Variants in DSCAM observed in about 807,000 individuals in gnomAD.
DSCAM encodes the protein cell adhesion molecule DSCAM.
Under a neutral mutation model 217.7 loss-of-function variants are expected in DSCAM, and 47 were observed. That is an observed-to-expected ratio of 0.22 (90% CI 0.17 to 0.28). The LOEUF (loss-of-function observed/expected upper bound fraction) is 0.28. Among genes scored for constraint, DSCAM ranks in the 10% least tolerant of loss-of-function variants. The pLI, the probability that DSCAM is intolerant of heterozygous loss-of-function variation, is 1.00. For missense variants in DSCAM, 2,080 were observed against 2,618.3 expected (o/e 0.79, Z 4.49); for synonymous variants, 1,056 against 1,015.3 (o/e 1.04, Z -0.76).
intron 1 of DSCAM, among the ~76,000 whole-genome samples, chr21:40,827,188 G>A (rs2091975550): frequency 6.6e-6 from 1 of 152,186 alleles, no homozygotes; most frequent in African/African-American, 2.4e-5. Flanking sequence ...AGGAAGGGAA[G>A]TGTGATCTGT....
At chr21:40,248,133 T>C (rs919918309) in intron 11 of DSCAM, among the ~76,000 whole-genome samples, 1 of 152,196 alleles carries the variant, frequency 6.6e-6, no homozygotes, top group African/African-American at 2.4e-5. Flanking sequence ...TGTTGGCCCA[T>C]GAAACCATTT....
At chr21:40,547,157 A>T (rs2076589971) in intron 3 of DSCAM, among the ~76,000 whole-genome samples, 1 of 152,086 alleles carries the variant, frequency 6.6e-6, no homozygotes, top group African/African-American at 2.4e-5. Context: ...GGCAGACATG[A>T]CCCCACTGTC....
chr21:40,254,219 G>T (rs960217301), intron 11 of DSCAM, among the ~76,000 whole-genome samples: 3 of 152,092 alleles, frequency 2.0e-5, no homozygotes, highest in African/African-American at 7.2e-5. Flanking sequence ...CCTTTGTTTT[G>T]CATGATCTCC....
chr21:40,796,994 C>G (rs963211329), intron 1 of DSCAM, among the ~76,000 whole-genome samples: 1 of 152,096 alleles, frequency 6.6e-6, no homozygotes, highest in East Asian at 1.9e-4. Flanking sequence ...AGGACTTGCT[C>G]TAGTCACTAA....
intron 3 of DSCAM, among the ~76,000 whole-genome samples, chr21:40,655,700 G>A (rs1341054805): frequency 1.3e-5 from 2 of 151,922 alleles, no homozygotes; most frequent in African/African-American, 2.4e-5. Flanking sequence ...TGATCCTCCT[G>A]CTTTGACTTT....
At chr21:40,811,621 G>GTC (rs992640353) in intron 1 of DSCAM, among the ~76,000 whole-genome samples, 7 of 152,334 alleles carry the variant, frequency 4.6e-5, no homozygotes, top group African/African-American at 1.7e-4. Flanking sequence ...GATAAAGGCA[G>GTC]TCTGCAAAGA....
intron 1 of DSCAM, among the ~76,000 whole-genome samples, chr21:40,780,795 G>C (rs1481919305): frequency 6.6e-6 from 1 of 151,984 alleles, no homozygotes; most frequent in Non-Finnish European, 1.5e-5. Context: ...CCAGCTTCCA[G>C]GTTTGTGAGA....
chr21:40,836,127 G>A (rs557818301), intron 1 of DSCAM, among the ~76,000 whole-genome samples: 15 of 152,226 alleles, frequency 9.9e-5, no homozygotes, highest in African/African-American at 1.7e-4. Context: ...GTCTCAGCCC[G>A]TTCTAGCTCA....
chr21:40,248,931 T>C (rs1015139593), intron 11 of DSCAM, among the ~76,000 whole-genome samples: 1 of 151,740 alleles, frequency 6.6e-6, no homozygotes, highest in Non-Finnish European at 1.5e-5. Context: ...AAGAGAAAAA[T>C]GAAGATGAAG....
At chr21:40,408,074 C>G in intron 3 of DSCAM, among the ~76,000 whole-genome samples, 1 of 151,892 alleles carries the variant, frequency 6.6e-6, no homozygotes, top group East Asian at 1.9e-4. Flanking sequence ...GAAGATATTA[C>G]CCATCTTTGC....
intron 5 of DSCAM, among the ~76,000 whole-genome samples, chr21:40,352,145 C>A (rs1209063402): frequency 1.3e-5 from 2 of 152,068 alleles, no homozygotes; most frequent in Non-Finnish European, 2.9e-5. Context: ...TAATGGAACA[C>A]TAGTCATAAG....
intron 3 of DSCAM, among the ~76,000 whole-genome samples, chr21:40,408,062 C>T (rs1384643504): frequency 1.3e-5 from 2 of 151,972 alleles, no homozygotes. Flanking sequence ...GTTTTAACAA[C>T]AGAAGATATT....
chr21:40,084,071 G>C, intron 23 of DSCAM, 65 bp from the exon 24 acceptor site: 1 of 1,299,012 alleles, frequency 7.7e-7, no homozygotes, highest in Non-Finnish European at 1.1e-6. Context: ...TTCCTGAACA[G>C]TCATTTACCA....
At chr21:40,297,032 C>G (rs1382889021) in intron 9 of DSCAM, among the ~76,000 whole-genome samples, 1 of 151,962 alleles carries the variant, frequency 6.6e-6, no homozygotes, top group Non-Finnish European at 1.5e-5. Flanking sequence ...GAACTTTTCC[C>G]AAAATTCTGG....
intron 18 of DSCAM, among the ~76,000 whole-genome samples, chr21:40,135,955 C>G (rs2090203772): frequency 6.6e-6 from 1 of 152,244 alleles, no homozygotes; most frequent in Non-Finnish European, 1.5e-5. Flanking sequence ...ATGTGGCTCC[C>G]ACAGTCCAGG....
chr21:40,106,063 C>T (rs1008071277), intron 20 of DSCAM, among the ~76,000 whole-genome samples: 4 of 152,126 alleles, frequency 2.6e-5, no homozygotes, highest in Non-Finnish European at 4.4e-5. Context: ...ACTCACAGTT[C>T]CACATGGCTG....
At chr21:40,842,107 G>GC in intron 1 of DSCAM, among the ~76,000 whole-genome samples, 1 of 152,346 alleles carries the variant, frequency 6.6e-6, no homozygotes, top group Middle Eastern at 3.4e-3. Context: ...AAGGCTGGCT[G>GC]CAAGAGTCTT....
chr21:40,356,328 T>C (rs1186109879), intron 4 of DSCAM, among the ~76,000 whole-genome samples: 7 of 151,648 alleles, frequency 4.6e-5, no homozygotes, highest in African/African-American at 1.7e-4. Context: ...CACACATACA[T>C]ACATACACAC....
At position 40,131,945 on chromosome 21, in the gene DSCAM, A is replaced by G. The variant is rs572520340; in HGVS notation, c.3562+1909T>C. ...ACTCCATGATTCTTAAAACTCCAAT[A>G]TTAATTAAAAATTGATCTAAAATTG... is the stretch of plus-strand genomic sequence containing the variant. On this transcript the variant is annotated intron_variant, in intron 19 of 32. Coordinates refer to ENST00000400454, the MANE Select transcript of DSCAM (RefSeq NM_001389.5). Among the ~76,000 whole-genome samples the G allele has an allele frequency of 2.0e-5, 3 of 152,338 alleles. No homozygotes were observed. In the East Asian group the frequency reaches 5.8e-4, roughly 29 times the overall value.
Sources: gnomAD v4.1 joint callset for allele counts (sites outside exome capture counted in the v4.1 genomes callset) on GRCh38, gnomAD v4.1.1 for gene constraint, MANE v1.5 for transcripts, NCBI Gene and HGNC (gene_info 2026-07-23, HGNC 2026-07-21) for gene names.